Variants in NDUFA10 observed in about 807,000 individuals in gnomAD.
The protein encoded by NDUFA10 is NADH dehydrogenase [ubiquinone] 1 alpha subcomplex subunit 10, mitochondrial.
NDUFA10 carries 40 observed loss-of-function variants against 47.8 expected under a neutral mutation model. The ratio of observed to expected loss-of-function variants is 0.84; its 90% confidence interval spans 0.65 to 1.09. The LOEUF is 1.09. NDUFA10 is among the 50% of genes least tolerant of loss of function. The pLI, the probability that NDUFA10 is intolerant of heterozygous loss-of-function variation, is 0.00. For missense variants in NDUFA10, 413 were observed against 451.1 expected (o/e 0.92, Z 0.76); for synonymous variants, 183 against 172.2 (o/e 1.06, Z -0.49).
chr2:239,896,968 T>C (rs1693411029), intron 4 of NDUFA10, among the ~76,000 whole-genome samples: 1 of 152,228 alleles, frequency 6.6e-6, no homozygotes. Context: ...AACATATGTA[T>C]GTGTGTATGT....
chr2:239,946,841 G>A (rs1694461913), intron 4 of NDUFA10, among the ~76,000 whole-genome samples: 1 of 152,248 alleles, frequency 6.6e-6, no homozygotes, highest in African/African-American at 2.4e-5. Flanking sequence ...GGGGCCAGAG[G>A]GCCCCATGCT....
chr2:239,939,236 T>C (rs1023356501), intron 4 of NDUFA10, among the ~76,000 whole-genome samples: 1 of 152,160 alleles, frequency 6.6e-6, no homozygotes, highest in African/African-American at 2.4e-5. Flanking sequence ...CCTGCCTTGG[T>C]GAGCCCCAAC....
At chr2:239,911,371 C>G (rs747197719) in intron 4 of NDUFA10, among the ~76,000 whole-genome samples, 1 of 151,546 alleles carries the variant, frequency 6.6e-6, no homozygotes, top group Non-Finnish European at 1.5e-5. Flanking sequence ...AATGAGGAGC[C>G]CTCTCTCCCT....
chr2:240,006,575 G>A (rs759147758), intron 7 of NDUFA10, among the ~76,000 whole-genome samples: 2 of 152,100 alleles, frequency 1.3e-5, no homozygotes, highest in African/African-American at 2.4e-5. Flanking sequence ...GTTACACCTC[G>A]TTTTGTTTTT....
chr2:239,971,289 G>C (rs191808268), intron 9 of NDUFA10, among the ~76,000 whole-genome samples: 208 of 152,322 alleles, frequency 1.4e-3, no homozygotes, highest in African/African-American at 4.8e-3. Context: ...TACATCGCAA[G>C]GGTCTCCAAG....
At chr2:239,985,076 G>A (rs1055586924) in intron 9 of NDUFA10, among the ~76,000 whole-genome samples, 4 of 152,154 alleles carry the variant, frequency 2.6e-5, no homozygotes, top group African/African-American at 9.7e-5. Context: ...TCCAGGGTGA[G>A]ATGACTCCAG....
At chr2:239,986,005 G>A (rs573349753) in intron 9 of NDUFA10, among the ~76,000 whole-genome samples, 6 of 150,990 alleles carry the variant, frequency 4.0e-5, no homozygotes, top group African/African-American at 7.3e-5. Context: ...GAGTACAGAC[G>A]CACATGCACA....
chr2:240,022,911 T>C (rs73107420), intron 1 of NDUFA10, among the ~76,000 whole-genome samples: 1,789 of 152,208 alleles, frequency 0.012, 31 homozygotes, highest in African/African-American at 0.041. Context: ...GAATATCCAC[T>C]ACCTAACAAG....
At chr2:240,022,395 G>T in intron 1 of NDUFA10, 55 bp from the exon 2 acceptor site, 2 of 1,611,102 alleles carry the variant, frequency 1.2e-6, no homozygotes, top group Non-Finnish European at 1.7e-6. Context: ...GTTCCTGTAG[G>T]CATTAGTAAC....
intron 5 of NDUFA10, chr2:240,012,050 C>G (rs909825153): frequency 3.0e-6 from 1 of 337,906 alleles, no homozygotes; most frequent in African/African-American, 2.1e-5. Context: ...AAATTGGGGG[C>G]AGCGGCCTGT....
At chr2:239,954,883 GGCTGCTGCACTGCCGCCCGACCT>G (rs1454404658), downstream of NDUFA10, among the ~76,000 whole-genome samples, 7 of 152,222 alleles carry the variant, frequency 4.6e-5, no homozygotes, top group East Asian at 1.2e-3. Context: ...GCGTTCTCAC[GGCTGCTGCACTGCCGCCCGACCT>G]GCCGCTGCCC....
At chr2:240,004,408 C>G (rs1484789658) in intron 8 of NDUFA10, among the ~76,000 whole-genome samples, 1 of 151,812 alleles carries the variant, frequency 6.6e-6, no homozygotes, top group African/African-American at 2.4e-5. Flanking sequence ...TAAGTCATAT[C>G]GTATTACTCC....
At chr2:239,941,534 T>C (rs1694361645) in intron 4 of NDUFA10, among the ~76,000 whole-genome samples, 1 of 152,086 alleles carries the variant, frequency 6.6e-6, no homozygotes, top group African/African-American at 2.4e-5. Flanking sequence ...GAGACCAGAC[T>C]GGCCAATATG....
At chr2:240,020,618 C>T (rs954169298) in intron 3 of NDUFA10, among the ~76,000 whole-genome samples, 1 of 152,174 alleles carries the variant, frequency 6.6e-6, no homozygotes, top group East Asian at 1.9e-4. Context: ...GTCTCCCAGG[C>T]TCCCCAGTAC....
At chr2:239,920,797 G>T (rs370738499) in intron 4 of NDUFA10, among the ~76,000 whole-genome samples, 2 of 152,150 alleles carry the variant, frequency 1.3e-5, no homozygotes, top group Non-Finnish European at 2.9e-5. Flanking sequence ...ACCTGCTATT[G>T]AAAGAAAGCC....
rs772924462 is a variant in NDUFA10, at chr2:240,021,304, T to C, written c.353A>G (p.Tyr118Cys). 1 of 1,614,170 alleles carries C rather than the reference T, an allele frequency of 6.2e-7. No individual in the cohort carries two copies. The highest frequency in any genetic ancestry group is 1.1e-5 in the South Asian group (1 of 91,090). Residue 118 changes from tyrosine to cysteine, a missense_variant, in exon 3 of 10, where the codon TAC (tyrosine) becomes TGC (cysteine). Physicochemically the swap from Tyr to Cys is radical, Grantham distance 194 (BLOSUM62 -2). Transcript: ENST00000252711. The stretch of plus-strand genomic sequence containing the variant: ...GCCATCATTGCTTCTCGGATCATCG[T>C]AAAATTTCTCCAAACTACAGTTGCC... ...YNGNCSLEKFYDDPRSNDGNS... is the reference protein window; with the variant it reads ...YNGNCSLEKFCDDPRSNDGNS...
At chr2:239,974,308 G>A (rs1695423160) in intron 9 of NDUFA10, among the ~76,000 whole-genome samples, 3 of 152,190 alleles carry the variant, frequency 2.0e-5, no homozygotes, top group Non-Finnish European at 2.9e-5. Context: ...GTGTGGACAG[G>A]TGCCTGAGAG....
chr2:239,895,291 T>C lies in NDUFA10; in HGVS notation c.318A>G (p.Arg106=), dbSNP rs369835639. 678 of 468,808 alleles carry C rather than the reference T, an allele frequency of 1.4e-3. 9 individuals carry two copies. The highest frequency in any genetic ancestry group is 0.01 in the South Asian group (662 of 64,004). 29.0% of individuals were successfully genotyped at this position (468,808 alleles called of 1,614,324 possible). Reference sequence around the variant, plus strand: ...GTGGAGAACTGAGTAGGCTGACCCATCTGTGCTCCTGGTCTGCTGGGACCT... The same window carrying C: ...GTGGAGAACTGAGTAGGCTGACCCACCTGTGCTCCTGGTCTGCTGGGACCT... The change falls in exon 5 of 6, where the codon AGA becomes AGG. Residue 106 remains arginine (R), a synonymous_variant. Coordinates refer to the NDUFA10 transcript ENST00000419408.
intron 8 of NDUFA10, among the ~76,000 whole-genome samples, chr2:239,990,860 A>C (rs567512883): frequency 6.6e-6 from 1 of 152,334 alleles, no homozygotes; most frequent in South Asian, 2.1e-4. Context: ...GTCTGAATAT[A>C]ACCACTATAC....
Sources: gnomAD v4.1 joint callset for allele counts (sites outside exome capture counted in the v4.1 genomes callset) on GRCh38, gnomAD v4.1.1 for gene constraint, MANE v1.5 for transcripts, NCBI Gene and HGNC (gene_info 2026-07-23, HGNC 2026-07-21) for gene names.